The following CLEC6A variants were observed in gnomAD, a reference collection of about 807,000 sequenced individuals.
CLEC6A encodes the protein C-type lectin domain family 6 member A.
CLEC6A carries 22 observed loss-of-function variants against 25.7 expected under a neutral mutation model. The observed-to-expected ratio is 0.85, with a 90% CI of 0.61 to 1.22. The LOEUF (loss-of-function observed/expected upper bound fraction) is 1.22, where lower values mean the gene tolerates loss of function less well. Ranked by LOEUF, CLEC6A falls within the 50% of genes most tolerant of loss-of-function variation. The pLI is 0.00. For missense variants in CLEC6A, 240 were observed against 236.8 expected, an observed-to-expected ratio of 1.01 and a Z score of -0.09; for synonymous variants, 92 against 76.7, an observed-to-expected ratio of 1.20 and a Z score of -1.04.
rs1765697534 is a variant in CLEC6A, at chr12:8,477,410, T to G, written c.576T>G (p.Val192=). Residue 192 remains valine (V), a synonymous_variant, in exon 6 of 6, where the codon GTT becomes GTG. Coordinates refer to ENST00000382073, the MANE Select transcript of CLEC6A (RefSeq NM_001007033.2). ...WKPTGWGWND[V]ICETRRNSIC... ...CTACAGGATGGGGCTGGAATGATGT[T>G]ATCTGTGAAACTAGAAGGAATTCAA... 1.2e-6 allele frequency: 2 copies of G among 1,611,656 alleles called. No individual in the cohort carries two copies. The highest frequency in any genetic ancestry group is 3.3e-5 in the Admixed American group (2 of 59,794).
intron 4 of CLEC6A, among the ~76,000 whole-genome samples, chr12:8,473,940 C>G (rs1939939180): frequency 6.6e-6 from 1 of 151,692 alleles, no homozygotes; most frequent in Non-Finnish European, 1.5e-5. Flanking sequence ...CTTGTTTGTT[C>G]AATTGTTCAA....
At chr12:8,456,397 T>C (rs1046262972) in intron 1 of CLEC6A, among the ~76,000 whole-genome samples, 9 of 152,200 alleles carry the variant, frequency 5.9e-5, no homozygotes, top group Admixed American at 1.3e-4. Flanking sequence ...AAGATTTACA[T>C]GATAGAAGGT....
intron 3 of CLEC6A, chr12:8,461,227 C>A: frequency 1.3e-6 from 1 of 750,404 alleles, no homozygotes. Context: ...CCACCGTTAC[C>A]GCTAACATAA....
At chr12:8,477,245 C>A in intron 5 of CLEC6A, 75 bp from the exon 6 acceptor site, 1 of 1,238,276 alleles carries the variant, frequency 8.1e-7, no homozygotes, top group Non-Finnish European at 1.1e-6. Context: ...CTTTGTTCAC[C>A]CCAGACTTTT....
intron 3 of CLEC6A, among the ~76,000 whole-genome samples, chr12:8,464,612 A>T (rs745698834): frequency 1.3e-5 from 2 of 152,328 alleles, no homozygotes; most frequent in Admixed American, 1.3e-4. Flanking sequence ...GATTACAGGC[A>T]TGAGCCACTG....
Position 8,477,302 on chromosome 12 carries a change from C to G in CLEC6A, c.486-18C>G, listed in dbSNP as rs762340299. ...TGCATTCTTTGAAGATGTGTACTAC[C>G]TTTTTGTTTTCCTTTAGATTTTGGC... On this transcript the variant is annotated intron_variant, in intron 5 of 5. Transcript: ENST00000382073. 6.3e-7 allele frequency: 1 copy of G among 1,598,366 alleles called. No individual in the cohort carries two copies. Among genetic ancestry groups the G allele is most frequent in the Non-Finnish European group, 8.5e-7 (1 of 1,172,676 alleles).
intron 3 of CLEC6A, among the ~76,000 whole-genome samples, chr12:8,465,156 G>A (rs1939812986): frequency 6.6e-6 from 1 of 152,012 alleles, no homozygotes; most frequent in South Asian, 2.1e-4. Context: ...TGGGTTTCTA[G>A]GTTCGTCTGT....
chr12:8,461,377 T>G, intron 3 of CLEC6A: 1 of 390,856 alleles, frequency 2.6e-6, no homozygotes, highest in Non-Finnish European at 4.7e-6. Flanking sequence ...ACAACTAGCA[T>G]TTGAATGAAT....
chr12:8,467,784 G>A (rs1015817123), intron 4 of CLEC6A, among the ~76,000 whole-genome samples: 2 of 152,104 alleles, frequency 1.3e-5, no homozygotes, highest in Non-Finnish European at 2.9e-5. Flanking sequence ...ACTATATTAA[G>A]CCTACCAATC....
intron 1 of CLEC6A, among the ~76,000 whole-genome samples, chr12:8,457,069 C>T (rs1279022903): frequency 6.6e-6 from 1 of 151,236 alleles, no homozygotes; most frequent in East Asian, 1.9e-4. Context: ...AAGATTGCCT[C>T]ATTGTGCTTC....
At chr12:8,472,575 C>T (rs1939920461) in intron 4 of CLEC6A, among the ~76,000 whole-genome samples, 1 of 152,062 alleles carries the variant, frequency 6.6e-6, no homozygotes, top group African/African-American at 2.4e-5. Flanking sequence ...TGCTTCAATG[C>T]CAGTTTTCTT....
In CLEC6A at chr12:8,477,651, T is replaced by C. The variant is rs962435166; in HGVS notation, c.*187T>C. ...TAATCAATCTTCTCGTTTCCTCTTT[T>C]CCATTAATGATAGAATGCACCCTTC... is the stretch of plus-strand genomic sequence containing the variant. On this transcript the variant is annotated 3_prime_UTR_variant, in exon 6 of 6. Coordinates refer to ENST00000382073, the MANE Select transcript of CLEC6A (RefSeq NM_001007033.2). 3.3e-5 allele frequency: 15 copies of C among 449,624 alleles called. No homozygotes were observed. Among genetic ancestry groups the C allele is most frequent in the African/African-American group, 2.9e-4 (14 of 48,864 alleles). 27.9% of individuals were successfully genotyped at this position (449,624 alleles called of 1,614,324 possible). A position where few individuals can be genotyped will look rare whatever the true frequency, so the allele number is the denominator to read the frequency against.
intron 1 of CLEC6A, among the ~76,000 whole-genome samples, 170 bp from the exon 2 acceptor site, chr12:8,457,728 A>G (rs774480361): frequency 1.5e-4 from 23 of 152,328 alleles, no homozygotes; most frequent in Non-Finnish European, 2.8e-4. Context: ...TGGACCACAG[A>G]GCTACTACCT....
intron 4 of CLEC6A, among the ~76,000 whole-genome samples, chr12:8,470,184 T>C (rs1939886783): frequency 6.6e-6 from 1 of 151,956 alleles, no homozygotes; most frequent in African/African-American, 2.4e-5. Flanking sequence ...TATGAAAAAA[T>C]GCTCAACATC....
intron 3 of CLEC6A, among the ~76,000 whole-genome samples, chr12:8,465,136 T>C (rs907599474): frequency 6.6e-6 from 1 of 152,166 alleles, no homozygotes; most frequent in Non-Finnish European, 1.5e-5. Context: ...CCAAGATTAC[T>C]GAGCAGAACT....
chr12:8,464,043 A>G (rs908655851), intron 3 of CLEC6A, among the ~76,000 whole-genome samples: 7 of 152,212 alleles, frequency 4.6e-5, no homozygotes, highest in Non-Finnish European at 2.9e-5. Flanking sequence ...ATATTAAAGC[A>G]ATCATTAATA....
chr12:8,461,179 C>T (rs896963792), intron 3 of CLEC6A: 10 of 1,178,366 alleles, frequency 8.5e-6, no homozygotes, highest in Non-Finnish European at 1.2e-5. Context: ...TTGTGGTTCT[C>T]ATCTGGCAGA....
intron 4 of CLEC6A, among the ~76,000 whole-genome samples, chr12:8,467,384 A>T (rs1042986978): frequency 2.0e-5 from 3 of 152,190 alleles, no homozygotes; most frequent in Non-Finnish European, 2.9e-5. Flanking sequence ...TAAGGTAAGG[A>T]TTCAACTTGA....
In CLEC6A at chr12:8,456,059, G is replaced by T; in HGVS notation, c.-53G>T. 6.3e-7 allele frequency: 1 copy of T among 1,588,108 alleles called. No homozygotes were observed. The highest frequency in any genetic ancestry group is 1.1e-5 in the South Asian group (1 of 90,290). On this transcript the variant is annotated 5_prime_UTR_variant, in exon 1 of 6. The change creates a new upstream start codon in the 5' untranslated region. Coordinates refer to ENST00000382073, the MANE Select transcript of CLEC6A (RefSeq NM_001007033.2). ...GCTGAGTCTCTGGGCAACATCTTTA[G>T]GGAGAGAGGTACAAAAGGTTCCTGG...
Sources: gnomAD v4.1 joint callset for allele counts (sites outside exome capture counted in the v4.1 genomes callset) on GRCh38, gnomAD v4.1.1 for gene constraint, MANE v1.5 for transcripts, NCBI Gene and HGNC (gene_info 2026-07-23, HGNC 2026-07-21) for gene names.